ZNF831: variants seen among roughly 807,000 people sequenced by gnomAD.
ZNF831 encodes the protein zinc finger protein 831, also known as chromosome 20 open reading frame 174.
Under a neutral mutation model 95.8 loss-of-function variants are expected in ZNF831, and 59 were observed. The observed-to-expected ratio is 0.62, with a 90% CI of 0.50 to 0.77. ZNF831 has a LOEUF of 0.77. Ranked by LOEUF, ZNF831 falls within the 30% of genes least tolerant of loss-of-function variation. The pLI is 0.00. For synonymous variants in ZNF831, 961 were observed against 925.5 expected (o/e 1.04, Z -0.70); for missense variants, 2,205 against 2,164.0 (o/e 1.02, Z -0.38).
chr20:59,187,270 T>G (rs1983126500), intron 1 of ZNF831, among the ~76,000 whole-genome samples: 1 of 152,150 alleles, frequency 6.6e-6, no homozygotes, highest in African/African-American at 2.4e-5. Flanking sequence ...GTGATGGTAT[T>G]AGGAGGTGGG....
intron 4 of ZNF831, among the ~76,000 whole-genome samples, chr20:59,240,760 C>T (rs532869667): frequency 1.3e-5 from 2 of 152,184 alleles, no homozygotes; most frequent in Admixed American, 1.3e-4. Flanking sequence ...CAAGATGGCG[C>T]CACTGCACTC....
intron 1 of ZNF831, among the ~76,000 whole-genome samples, chr20:59,138,108 A>G (rs1979569245): frequency 6.6e-6 from 1 of 152,228 alleles, no homozygotes. Context: ...ACTGTGATTA[A>G]CACCGATTTT....
chr20:59,249,183 G>A (rs541215518), intron 4 of ZNF831, among the ~76,000 whole-genome samples: 3 of 152,176 alleles, frequency 2.0e-5, no homozygotes, highest in South Asian at 4.2e-4. Context: ...TTCTGATGTC[G>A]CCTTTCTGAG....
chr20:59,238,071 T>G (rs1647015126), intron 4 of ZNF831, among the ~76,000 whole-genome samples: 1 of 152,220 alleles, frequency 6.6e-6, no homozygotes, highest in Admixed American at 6.5e-5. Flanking sequence ...GTCATCCATA[T>G]TTTATCTGCC....
At chr20:59,247,096 A>G (rs765561165) in intron 4 of ZNF831, among the ~76,000 whole-genome samples, 3 of 152,268 alleles carry the variant, frequency 2.0e-5, no homozygotes, top group Non-Finnish European at 4.4e-5. Flanking sequence ...AAGAAACTTT[A>G]GCATAACGTC....
At chr20:59,179,048 C>G (rs1485192572) in intron 1 of ZNF831, among the ~76,000 whole-genome samples, 2 of 152,320 alleles carry the variant, frequency 1.3e-5, no homozygotes, top group Non-Finnish European at 2.9e-5. Context: ...CTGGAGCCCT[C>G]ATTACAGAGC....
chr20:59,201,440 C>G (rs1395521884), intron 3 of ZNF831, among the ~76,000 whole-genome samples: 1 of 151,972 alleles, frequency 6.6e-6, no homozygotes, highest in Non-Finnish European at 1.5e-5. Flanking sequence ...TCTTTCTATT[C>G]TTTTAGTAGC....
chr20:59,251,442 C>T (rs189852210), intron 4 of ZNF831, among the ~76,000 whole-genome samples: 6 of 152,280 alleles, frequency 3.9e-5, no homozygotes, highest in East Asian at 3.9e-4. Flanking sequence ...AAATGATTTC[C>T]GATTTTGAAT....
intron 1 of ZNF831, among the ~76,000 whole-genome samples, chr20:59,182,839 G>A (rs1982725696): frequency 6.6e-6 from 1 of 152,188 alleles, no homozygotes; most frequent in Admixed American, 6.5e-5. Context: ...CTGACAGGAA[G>A]TGGGCAGCCT....
intron 3 of ZNF831, among the ~76,000 whole-genome samples, chr20:59,205,631 G>A (rs560345426): frequency 4.1e-4 from 63 of 152,366 alleles, no homozygotes; most frequent in African/African-American, 1.4e-3. Flanking sequence ...ACTGCGGCTG[G>A]ATCTTGGCGG....
At chr20:59,200,867 G>T (rs551499579) in intron 3 of ZNF831, among the ~76,000 whole-genome samples, 2 of 151,916 alleles carry the variant, frequency 1.3e-5, no homozygotes, top group East Asian at 1.9e-4. Context: ...GTCACAATTT[G>T]TATACATGTT....
rs116711425 is a variant in ZNF831 at position 59,240,985 on chromosome 20, C to T, written c.4028-11993C>T. The stretch of plus-strand genomic sequence containing the variant: ...ATTTTAACCAGACTGAAGAAATTTA[C>T]AGGAAGATAGAGATGCTACTGTGCG... On this transcript the variant is annotated intron_variant, in intron 4 of 5. Coordinates refer to ENST00000371030, the MANE Select transcript of ZNF831 (RefSeq NM_178457.3). 9.8e-3 allele frequency among the ~76,000 whole-genome samples: 1,492 copies of T among 151,892 alleles called. 24 individuals are homozygous for T. Among genetic ancestry groups the T allele is most frequent in the African/African-American group, 0.035 (1,431 of 41,382 alleles).
intron 2 of ZNF831, among the ~76,000 whole-genome samples, chr20:59,149,381 C>G (rs1980087897): frequency 6.6e-6 from 1 of 152,200 alleles, no homozygotes. Flanking sequence ...AAGGGCTTTG[C>G]TTATGTCTCT....
Position 59,191,981 on chromosome 20 carries a change from CG to C in ZNF831, c.964del (p.Ala322GlnfsTer212). 6.2e-7 allele frequency: 1 copy of C among 1,606,618 alleles called. No individual in the cohort carries two copies. On this transcript the variant is annotated frameshift_variant, in exon 2 of 6. Transcript: ENST00000371030. LOFTEE classifies it high-confidence loss of function. ...KPCALQRQQA[T>X]AAEKPWDAKA... ...TGCGCCCTGCAGCGGCAGCAGGCGACGGCAGCGGAGAAGCCCTGGGATGCCA... is the reference window on the plus strand; with the variant it reads ...TGCGCCCTGCAGCGGCAGCAGGCGACGCAGCGGAGAAGCCCTGGGATGCCA...
chr20:59,222,057 C>A (rs1294576643), intron 4 of ZNF831, among the ~76,000 whole-genome samples: 1 of 152,228 alleles, frequency 6.6e-6, no homozygotes, highest in Non-Finnish European at 1.5e-5. Flanking sequence ...TGCGACGCCC[C>A]CTCCCTTAAC....
intron 1 of ZNF831, among the ~76,000 whole-genome samples, chr20:59,126,816 C>T (rs757017460): frequency 6.6e-6 from 1 of 152,232 alleles, no homozygotes; most frequent in Non-Finnish European, 1.5e-5. Flanking sequence ...CTCTGTGAAG[C>T]TCATGGGTCA....
chr20:59,178,706 G>A (rs1464744404), intron 1 of ZNF831, among the ~76,000 whole-genome samples: 1 of 152,178 alleles, frequency 6.6e-6, no homozygotes, highest in Non-Finnish European at 1.5e-5. Context: ...CAGTGGGAGT[G>A]GAAGAAAAAA....
Position 59,139,784 on chromosome 20 carries a change from A to G in ZNF831, c.-1424-6447A>G, listed in dbSNP as rs947742204. 5.1e-4 allele frequency among the ~76,000 whole-genome samples: 77 copies of G among 152,174 alleles called. 1 individual carries two copies. The highest frequency in any genetic ancestry group is 1.7e-3 in the African/African-American group (72 of 41,418). ...AGCACTCTTGACTTTCAATCTTTTT[A>G]TGGATTCTTTGAAGAAATGCCGTAT... On this transcript the variant is annotated intron_variant, in intron 1 of 7. Transcript: ENST00000637017.
At chr20:59,184,949 G>A (rs1044246617) in intron 1 of ZNF831, among the ~76,000 whole-genome samples, 2 of 152,200 alleles carry the variant, frequency 1.3e-5, no homozygotes, top group Non-Finnish European at 2.9e-5. Context: ...TTGGGAGGAG[G>A]TGGGGAGCTG....
Sources: allele counts gnomAD v4.1 joint callset (sites outside exome capture counted in the v4.1 genomes callset), GRCh38; gene constraint gnomAD v4.1.1; transcripts MANE v1.5; gene names NCBI Gene and HGNC (gene_info 2026-07-23, HGNC 2026-07-21).